RIPOR1: variants seen among roughly 807,000 people sequenced by gnomAD.
RIPOR1 encodes rho family-interacting cell polarization regulator 1.
A neutral mutation model predicts 116.5 loss-of-function variants in RIPOR1; 58 were observed. The observed-to-expected ratio is 0.50, with a 90% CI of 0.40 to 0.62. The LOEUF is 0.62. Ranked by LOEUF, RIPOR1 falls within the 20% of genes least tolerant of loss-of-function variation. The probability of loss-of-function intolerance (pLI) is 0.00; values close to 1 mark genes in which losing one functional copy is unlikely to be tolerated. For synonymous variants in RIPOR1, 605 were observed against 650.0 expected, an observed-to-expected ratio of 0.93 and a Z score of 1.05; for missense variants, 1,372 against 1,586.2, an observed-to-expected ratio of 0.86 and a Z score of 2.29.
Position 67,544,795 on chromosome 16 carries a change from G to A in RIPOR1, c.2834G>A (p.Arg945Lys), listed in dbSNP as rs201636724. Reference sequence around the variant, plus strand: ...CTGGAGGCAGTATGCGAGTTCAGCAGGCGGTGGGAGATCCCGGCCAGCTCT... The same window carrying A: ...CTGGAGGCAGTATGCGAGTTCAGCAAGCGGTGGGAGATCCCGGCCAGCTCT... ...RVLEAVCEFS[R>K]RWEIPASSAQ... The change falls in exon 16 of 22, where the codon AGG (arginine) becomes AAG (lysine). Residue 945 changes from arginine (R) to lysine (K), a missense_variant. Arg to Lys is a conservative substitution (Grantham distance 26). Coordinates refer to ENST00000042381, the MANE Select transcript of RIPOR1 (RefSeq NM_024519.4). The surrounding 1 kb of genome is among the most constrained non-coding windows in gnomAD (Gnocchi z 5.1). 3.1e-6 allele frequency: 5 copies of A among 1,599,728 alleles called. No homozygotes were observed. In the Admixed American group the frequency reaches 6.7e-5, roughly 22 times the overall value.
In RIPOR1 at chr16:67,538,787, C is replaced by T; in HGVS notation, c.220C>T (p.Leu74=). The T allele has an allele frequency of 6.2e-7, 1 of 1,613,506 alleles. No homozygotes were observed. The highest frequency in any genetic ancestry group is 8.5e-7 in the Non-Finnish European group (1 of 1,179,980). ...PAAKVPQPER[L]DLVYTALKRG... ...CGCCAAGGTGCCGCAGCCCGAGCGG[C>T]TGGACCTGGTGTACACGGCGCTGAA... is the stretch of plus-strand genomic sequence containing the variant. Residue 74 remains leucine, a synonymous_variant, in exon 3 of 22, where the codon CTG becomes TTG. Transcript: ENST00000042381.
chr16:67,530,020 G>A lies in RIPOR1; in HGVS notation c.-24+1106G>A, dbSNP rs1567561457. On this transcript the variant is annotated intron_variant, in intron 1 of 21. Transcript: ENST00000042381. This position sits in a 1 kb window ranked among gnomAD's most constrained non-coding sequence, Gnocchi z 4.5. ...TACTCCAGCGGGACAAGGAGGACTG[G>A]CATAGCTCCTTCTTCCACCGCCCTC... is the stretch of plus-strand genomic sequence containing the variant. The A allele has an allele frequency of 3.1e-6, 2 of 650,138 alleles. No individual in the cohort carries two copies. The highest frequency in any genetic ancestry group is 5.6e-6 in the Non-Finnish European group (2 of 360,000). The allele number at this position is 650,138 out of a possible 1,614,324, so 40.3% of individuals were successfully genotyped here.
intron 1 of RIPOR1, among the ~76,000 whole-genome samples, chr16:67,521,355 T>C (rs1322380949): frequency 6.6e-6 from 1 of 152,202 alleles, no homozygotes; most frequent in Non-Finnish European, 1.5e-5. Flanking sequence ...AATTTCCAGA[T>C]GCCTGGTGGC....
rs765436010 is a variant in RIPOR1, at chr16:67,542,872, C to G, written c.2086C>G (p.Pro696Ala). Residue 696 changes from proline (P) to alanine (A), a missense_variant, in exon 13 of 22, where the codon CCC (proline) becomes GCC (alanine). Pro to Ala is a conservative substitution (Grantham distance 27, BLOSUM62 -1). This residue lies in a region of RIPOR1 where 1,005 missense variants were observed against 1,144.7 expected (regional missense o/e 0.88). Coordinates refer to ENST00000042381, the MANE Select transcript of RIPOR1 (RefSeq NM_024519.4). This position sits in a 1 kb window ranked among gnomAD's most constrained non-coding sequence, Gnocchi z 4.6. Reference protein sequence around the residue: ...TLSSPSKHSDPTLPGTDSLPC... With the variant: ...TLSSPSKHSDATLPGTDSLPC... ...CTCCAGCCCCTCCAAACACTCAGACCCCACCCTCCCAGGCACTGACTCCCT... is the reference window on the plus strand; with the variant it reads ...CTCCAGCCCCTCCAAACACTCAGACGCCACCCTCCCAGGCACTGACTCCCT... 1 of 1,613,458 alleles carries G rather than the reference C, an allele frequency of 6.2e-7. No individual in the cohort carries two copies. Among genetic ancestry groups the G allele is most frequent in the East Asian group, 2.2e-5 (1 of 44,882 alleles).
chr16:67,539,859 T>G lies in RIPOR1; in HGVS notation c.374T>G (p.Ile125Ser), dbSNP rs183863939. The change falls in exon 6 of 22, where the codon ATT (isoleucine) becomes AGT (serine). Residue 125 changes from isoleucine to serine, a missense_variant. By Grantham distance (142) the Ile-to-Ser change is moderately radical. Coordinates refer to ENST00000042381, the MANE Select transcript of RIPOR1 (RefSeq NM_024519.4). Reference protein sequence around the residue: ...LYDLDKQVKSIERFLRRLEFH... With the variant: ...LYDLDKQVKSSERFLRRLEFH... ...CCTCTCCCCCAGCAAGTCAAGTCCA[T>G]TGAACGCTTCCTGCGACGACTGGAG... 6.2e-7 allele frequency: 1 copy of G among 1,614,042 alleles called. No individual in the cohort carries two copies. Among genetic ancestry groups the G allele is most frequent in the African/African-American group, 1.3e-5 (1 of 74,902 alleles).
In RIPOR1 at chr16:67,529,939, A is replaced by G. The variant is rs983150511; in HGVS notation, c.-24+1025A>G. Reference sequence around the variant, plus strand: ...CTGAGTCCTTGCCCCTGCGACACCCACCTCCGTGGTATTGGAGGGAGGAGA... The same window carrying G: ...CTGAGTCCTTGCCCCTGCGACACCCGCCTCCGTGGTATTGGAGGGAGGAGA... On this transcript the variant is annotated intron_variant, in intron 1 of 21. Transcript: ENST00000042381. The surrounding 1 kb of genome is among the most constrained non-coding windows in gnomAD (Gnocchi z 4.1). 5 of 899,336 alleles carry G rather than the reference A, an allele frequency of 5.6e-6. No homozygotes were observed. The highest frequency in any genetic ancestry group is 8.8e-6 in the Non-Finnish European group (5 of 565,466). 55.7% of individuals were successfully genotyped at this position (899,336 alleles called of 1,614,324 possible).
intron 1 of RIPOR1, among the ~76,000 whole-genome samples, chr16:67,534,337 C>T (rs1401354432): frequency 6.6e-6 from 1 of 151,658 alleles, no homozygotes; most frequent in African/African-American, 2.4e-5. Context: ...CCAGGCTGGT[C>T]TCAAACTCCT....
upstream of RIPOR1, chr16:67,528,769 C>T (rs1453749372): frequency 1.3e-5 from 1 of 75,142 alleles, no homozygotes; most frequent in Non-Finnish European, 2.7e-5. Flanking sequence ...GGGTGGGGCC[C>T]GGCGGGCCAG....
At position 67,543,029 on chromosome 16, in the gene RIPOR1, C is replaced by A. The variant is rs141407887; in HGVS notation, c.2243C>A (p.Thr748Lys). The change falls in exon 13 of 22, where the codon ACG (threonine) becomes AAG (lysine). Residue 748 changes from threonine to lysine, a missense_variant. By Grantham distance (78) the Thr-to-Lys change is moderately conservative. Transcript: ENST00000042381. The surrounding 1 kb of genome is among the most constrained non-coding windows in gnomAD (Gnocchi z 4.7). ...TSPAPDPSESTVQSLSPTPSP... is the reference protein window; with the variant it reads ...TSPAPDPSESKVQSLSPTPSP... Reference sequence around the variant, plus strand: ...CCTGCCCCAGATCCCTCAGAGTCTACGGTTCAGAGTCTAAGCCCCACTCCC... The same window carrying A: ...CCTGCCCCAGATCCCTCAGAGTCTAAGGTTCAGAGTCTAAGCCCCACTCCC... The A allele has an allele frequency of 6.5e-7, 1 of 1,549,004 alleles. No individual in the cohort carries two copies. Among genetic ancestry groups the A allele is most frequent in the Non-Finnish European group, 8.7e-7 (1 of 1,149,898 alleles).
intron 1 of RIPOR1, among the ~76,000 whole-genome samples, chr16:67,520,345 C>T (rs1247510799): frequency 6.8e-6 from 1 of 147,994 alleles, no homozygotes; most frequent in African/African-American, 2.5e-5. Flanking sequence ...CGCGCCACTG[C>T]ACTCCAACCT....
chr16:67,525,509 G>A (rs2050532809), upstream of RIPOR1, among the ~76,000 whole-genome samples: 1 of 152,162 alleles, frequency 6.6e-6, no homozygotes, highest in African/African-American at 2.4e-5. Context: ...GTCATCCGCG[G>A]GGGCTGTAGG....
rs1469196711 is a variant in RIPOR1 at position 67,537,587 on chromosome 16, CAAG to C, written c.-23-832_-23-830del. The C allele has an allele frequency of 7.0e-6, 10 of 1,422,298 alleles. No homozygotes were observed. Among genetic ancestry groups the C allele is most frequent in the Middle Eastern group, 1.8e-4 (1 of 5,558 alleles). The allele number at this position is 1,422,298 out of a possible 1,614,324, so 88.1% of individuals were successfully genotyped here. A position where few individuals can be genotyped will look rare whatever the true frequency, so the allele number is the denominator to read the frequency against. On this transcript the variant is annotated intron_variant, in intron 1 of 21. Transcript: ENST00000042381. The surrounding 1 kb of genome is among the most constrained non-coding windows in gnomAD (Gnocchi z 4.6). Reference sequence around the variant, plus strand: ...GCCGTCCCGGACCCACCATGAACACCAAGAAGAGAGGTAGGACCCAGCTCGGGG... The same window carrying C: ...GCCGTCCCGGACCCACCATGAACACCAAGAGAGGTAGGACCCAGCTCGGGG...
upstream of RIPOR1, among the ~76,000 whole-genome samples, chr16:67,527,212 C>A (rs774830068): frequency 6.6e-6 from 1 of 150,970 alleles, no homozygotes; most frequent in Non-Finnish European, 1.5e-5. Flanking sequence ...TCGCTTGAGG[C>A]CAGGAGGTGG....
At chr16:67,539,396 A>G in intron 4 of RIPOR1, 1 of 522,078 alleles carries the variant, frequency 1.9e-6, no homozygotes, top group Non-Finnish European at 3.5e-6. Flanking sequence ...GGCTTCCTGG[A>G]GGAGGGAACA....
At position 67,537,373 on chromosome 16, in the gene RIPOR1, G is replaced by A. The variant is rs1954066573; in HGVS notation, c.-23-1051G>A. On this transcript the variant is annotated intron_variant, in intron 1 of 21. Transcript: ENST00000042381. The surrounding 1 kb of genome is among the most constrained non-coding windows in gnomAD (Gnocchi z 4.6). ...CTCGCCCCCCGTCGGTCCCCTCCCC[G>A]AGGGGAACCCCAGTCACCGGTCCCG... is the stretch of plus-strand genomic sequence containing the variant. 2 of 1,227,516 alleles carry A rather than the reference G, an allele frequency of 1.6e-6. No homozygotes were observed. The highest frequency in any genetic ancestry group is 4.3e-5 in the Admixed American group (1 of 23,262). 76.0% of individuals were successfully genotyped at this position (1,227,516 alleles called of 1,614,324 possible). A position where few individuals can be genotyped will look rare whatever the true frequency, so the allele number is the denominator to read the frequency against.
chr16:67,543,807 A>G lies in RIPOR1; in HGVS notation c.2600+338A>G. On this transcript the variant is annotated intron_variant, in intron 14 of 21. Coordinates refer to ENST00000042381, the MANE Select transcript of RIPOR1 (RefSeq NM_024519.4). The surrounding 1 kb of genome is among the most constrained non-coding windows in gnomAD (Gnocchi z 4.7). ...TGGCCTCACCTTGGACCTGCCCTTT[A>G]AGGAGCTCTCTCAGTGTCTCGCCGT... 2.4e-6 allele frequency: 1 copy of G among 408,192 alleles called. No individual in the cohort carries two copies. Among genetic ancestry groups the G allele is most frequent in the African/African-American group, 2.0e-5 (1 of 49,176 alleles). The allele number at this position is 408,192 out of a possible 1,614,324, so 25.3% of individuals were successfully genotyped here. A position where few individuals can be genotyped will look rare whatever the true frequency, so the allele number is the denominator to read the frequency against.
In RIPOR1 at chr16:67,541,072, A is replaced by G. The variant is rs1026043650; in HGVS notation, c.802-358A>G. ...TCCATGAGCATGCATGTGTCTGTCT[A>G]TCTATCTAGGAGTTGGCGGGTCTCA... On this transcript the variant is annotated intron_variant, in intron 10 of 21. Coordinates refer to ENST00000042381, the MANE Select transcript of RIPOR1 (RefSeq NM_024519.4). This position sits in a 1 kb window ranked among gnomAD's most constrained non-coding sequence, Gnocchi z 4.6. Among the ~76,000 whole-genome samples the G allele has an allele frequency of 6.6e-6, 1 of 151,618 alleles. No homozygotes were observed. Among genetic ancestry groups the G allele is most frequent in the African/African-American group, 2.4e-5 (1 of 41,216 alleles).
Position 67,544,174 on chromosome 16 carries a change from C to T in RIPOR1, c.2601-125C>T, listed in dbSNP as rs1029113931. 3 of 1,267,560 alleles carry T rather than the reference C, an allele frequency of 2.4e-6. No individual in the cohort carries two copies. In the African/African-American group the frequency reaches 4.5e-5, roughly 19 times the overall value. 78.5% of individuals were successfully genotyped at this position (1,267,560 alleles called of 1,614,324 possible). On this transcript the variant is annotated intron_variant, in intron 14 of 21. Transcript: ENST00000042381. This position sits in a 1 kb window ranked among gnomAD's most constrained non-coding sequence, Gnocchi z 5.1. ...TCTGGAAATCCTCCATGAACTTACC[C>T]CACTGTCTGCTGTCGGTGCATCATC... is the stretch of plus-strand genomic sequence containing the variant.
chr16:67,533,618 G>A (rs2142457027), intron 1 of RIPOR1, among the ~76,000 whole-genome samples: 1 of 152,074 alleles, frequency 6.6e-6, no homozygotes, highest in Admixed American at 6.6e-5. Context: ...TCAGCAACAG[G>A]GAGGTCACTG....
Sources: allele counts gnomAD v4.1 joint callset (sites outside exome capture counted in the v4.1 genomes callset), GRCh38; gene constraint gnomAD v4.1.1; regional missense constraint gnomAD v4.1.1; non-coding constraint Gnocchi (gnomAD v3.1); transcripts MANE v1.5; gene names NCBI Gene and HGNC (gene_info 2026-07-23, HGNC 2026-07-21).